SNTB1: variants seen among roughly 807,000 people sequenced by gnomAD.
SNTB1 encodes the protein syntrophin beta 1.
A neutral mutation model predicts 48.9 loss-of-function variants in SNTB1; 36 were observed. The ratio of observed to expected loss-of-function variants is 0.74; its 90% CI spans 0.56 to 0.97. The LOEUF is 0.97. Among genes scored for constraint, SNTB1 ranks in the 50% least tolerant of loss-of-function variants. The pLI, the probability that SNTB1 is intolerant of heterozygous loss-of-function variation, is 0.00. For synonymous variants in SNTB1, 299 were observed against 294.6 expected, an observed-to-expected ratio of 1.01 and a Z score of -0.15; for missense variants, 786 against 703.4, an observed-to-expected ratio of 1.12 and a Z score of -1.33.
chr8:120,548,080 C>T (rs980965696), intron 5 of SNTB1, among the ~76,000 whole-genome samples: 1 of 151,990 alleles, frequency 6.6e-6, no homozygotes, highest in African/African-American at 2.4e-5. Flanking sequence ...ATGAGTGAGC[C>T]CTTGCTTTGA....
chr8:120,737,557 C>T (rs895920956), intron 1 of SNTB1, among the ~76,000 whole-genome samples: 1 of 152,130 alleles, frequency 6.6e-6, no homozygotes, highest in Non-Finnish European at 1.5e-5. Flanking sequence ...CCAAAACAAG[C>T]TCAGAGAGAT....
At chr8:120,595,852 G>A (rs1256724722) in intron 3 of SNTB1, among the ~76,000 whole-genome samples, 2 of 152,066 alleles carry the variant, frequency 1.3e-5, no homozygotes, top group African/African-American at 2.4e-5. Context: ...CAAAGTGTTG[G>A]GATTCCTCTA....
chr8:120,590,085 A>G (rs749867003), intron 3 of SNTB1, among the ~76,000 whole-genome samples: 34 of 152,138 alleles, frequency 2.2e-4, no homozygotes, highest in Non-Finnish European at 2.5e-4. Context: ...TCACATTCCT[A>G]TGGACAGGCT....
intron 3 of SNTB1, among the ~76,000 whole-genome samples, chr8:120,602,665 C>G (rs935964085): frequency 3.3e-5 from 5 of 152,194 alleles, no homozygotes; most frequent in Non-Finnish European, 7.4e-5. Context: ...ATCTTACACA[C>G]ACATCCTATT....
At chr8:120,691,581 A>G (rs551452945) in intron 2 of SNTB1, among the ~76,000 whole-genome samples, 1 of 152,328 alleles carries the variant, frequency 6.6e-6, no homozygotes, top group South Asian at 2.1e-4. Context: ...AGAAAACTCT[A>G]CTGAGCTCTG....
intron 1 of SNTB1, among the ~76,000 whole-genome samples, chr8:120,713,173 T>C (rs143903380): frequency 6.6e-6 from 1 of 152,322 alleles, no homozygotes; most frequent in East Asian, 1.9e-4. Context: ...CATTTCATCT[T>C]TCTAAAGTTC....
At chr8:120,749,848 T>C (rs1210267979) in intron 1 of SNTB1, among the ~76,000 whole-genome samples, 4 of 152,162 alleles carry the variant, frequency 2.6e-5, no homozygotes, top group African/African-American at 9.6e-5. Context: ...ACCTAACTCC[T>C]CATGAGTCTA....
chr8:120,571,422 A>C, intron 4 of SNTB1: 2 of 951,144 alleles, frequency 2.1e-6, no homozygotes, highest in Non-Finnish European at 2.9e-6. Context: ...ATGGACCCCA[A>C]GGCACAGCCT....
intron 2 of SNTB1, among the ~76,000 whole-genome samples, chr8:120,639,792 C>T (rs1405086410): frequency 9.2e-5 from 14 of 152,152 alleles, no homozygotes; most frequent in African/African-American, 2.7e-4. Context: ...CCTTGTAGTA[C>T]AGTTTGAAGT....
At chr8:120,766,307 A>C (rs541306965) in intron 1 of SNTB1, among the ~76,000 whole-genome samples, 1 of 152,290 alleles carries the variant, frequency 6.6e-6, no homozygotes, top group East Asian at 1.9e-4. Flanking sequence ...CCAAACTACT[A>C]AATATCAGAG....
chr8:120,653,484 G>C (rs1374067912), intron 2 of SNTB1, among the ~76,000 whole-genome samples: 1 of 152,114 alleles, frequency 6.6e-6, no homozygotes, highest in African/African-American at 2.4e-5. Flanking sequence ...CTGACATTTT[G>C]ATTGCAGACT....
intron 2 of SNTB1, chr8:120,637,044 A>G: frequency 2.7e-6 from 1 of 372,304 alleles, no homozygotes; most frequent in South Asian, 2.9e-5. Flanking sequence ...AAGTAACTGA[A>G]CAACATTTCT....
chr8:120,659,074 C>G (rs528083569), intron 2 of SNTB1, among the ~76,000 whole-genome samples: 1 of 151,996 alleles, frequency 6.6e-6, no homozygotes, highest in Non-Finnish European at 1.5e-5. Context: ...AGTGATTCTC[C>G]TGCCTTAGCC....
intron 2 of SNTB1, among the ~76,000 whole-genome samples, chr8:120,687,030 A>G (rs547766575): frequency 6.6e-6 from 1 of 152,320 alleles, no homozygotes; most frequent in Admixed American, 6.5e-5. Context: ...AGGAAAAAGT[A>G]CCTCATAAAT....
At chr8:120,727,870 C>T (rs567746457) in intron 1 of SNTB1, among the ~76,000 whole-genome samples, 11 of 152,262 alleles carry the variant, frequency 7.2e-5, no homozygotes, top group South Asian at 4.1e-4. Context: ...TATCCTAGAC[C>T]GGAAGAATTC....
intron 3 of SNTB1, among the ~76,000 whole-genome samples, chr8:120,589,561 A>C (rs536767756): frequency 6.6e-6 from 1 of 152,296 alleles, no homozygotes; most frequent in South Asian, 2.1e-4. Flanking sequence ...TATTTCTCAC[A>C]GTTCTGGAGT....
At position 120,607,454 on chromosome 8, in the gene SNTB1, G is replaced by A. The variant is rs533245453; in HGVS notation, c.996+24990C>T. Among the ~76,000 whole-genome samples, 106 of 151,716 alleles carry A rather than the reference G, an allele frequency of 7.0e-4. 1 individual carries two copies. The highest frequency in any genetic ancestry group is 2.5e-3 in the African/African-American group (103 of 41,264). Reference sequence around the variant, plus strand: ...AAGTTTTAGGGTACATGTGCACAACGTGCAGGTTAGTTACATATGTATACA... The same window carrying A: ...AAGTTTTAGGGTACATGTGCACAACATGCAGGTTAGTTACATATGTATACA... On this transcript the variant is annotated intron_variant, in intron 3 of 6. Coordinates refer to ENST00000517992, the MANE Select transcript of SNTB1 (RefSeq NM_021021.4).
chr8:120,625,261 A>G (rs1816855305), intron 3 of SNTB1, among the ~76,000 whole-genome samples: 1 of 152,236 alleles, frequency 6.6e-6, no homozygotes, highest in African/African-American at 2.4e-5. Context: ...CCATGTGGCC[A>G]GGCACAGGGG....
At chr8:120,638,325 C>T (rs763498121) in intron 2 of SNTB1, 2 of 152,156 alleles carry the variant, frequency 1.3e-5, no homozygotes, top group African/African-American at 2.4e-5. Flanking sequence ...CGTCTCAGTG[C>T]CTCTCTGGAC....
Sources: allele counts gnomAD v4.1 joint callset (sites outside exome capture counted in the v4.1 genomes callset), GRCh38; gene constraint gnomAD v4.1.1; transcripts MANE v1.5; gene names NCBI Gene and HGNC (gene_info 2026-07-23, HGNC 2026-07-21).